USP11: variants seen among roughly 807,000 people sequenced by gnomAD.
USP11 encodes ubiquitin carboxyl-terminal hydrolase 11.
Under a neutral mutation model 72.8 loss-of-function variants are expected in USP11, and 5 were observed. The ratio of observed to expected loss-of-function variants is 0.07; its 90% CI spans 0.04 to 0.14. USP11 has a LOEUF of 0.14. Ranked by LOEUF, USP11 falls within the 10% of genes least tolerant of loss-of-function variation. USP11 has a pLI of 1.00. For missense variants in USP11, 480 were observed against 794.7 expected (o/e 0.60, Z 4.76); for synonymous variants, 368 against 326.5 (o/e 1.13, Z -1.37).
At position 47,242,609 on chromosome X, in the gene USP11, C is replaced by T. The variant is rs1406358498; in HGVS notation, c.1489-17C>T. The T allele has an allele frequency of 3.3e-6, 4 of 1,206,171 alleles. No homozygotes were observed. Among genetic ancestry groups the T allele is most frequent in the Non-Finnish European group, 2.2e-6 (2 of 890,400 alleles). ...GCCGTGCAGACTAACAGTCCCCTCT[C>T]CATATCCCATTCCTAGATGATGGTG... On this transcript the variant is annotated splice_polypyrimidine_tract_variant and intron_variant, in intron 11 of 20. Transcript: ENST00000377107.
intron 7 of USP11, 145 bp from the exon 8 acceptor site, chrX:47,241,132 C>A: frequency 1.6e-6 from 1 of 640,635 alleles, no homozygotes; most frequent in Non-Finnish European, 2.3e-6. Flanking sequence ...TGCCTTCTCT[C>A]CCCTACTCTC....
At position 47,247,286 on chromosome X, in the gene USP11, C is replaced by T. The variant is rs368392625; in HGVS notation, c.2421-18C>T. On this transcript the variant is annotated intron_variant, in intron 18 of 20. Transcript: ENST00000377107. ...AAAGGAGGGGGTGTACCAGTATTAA[C>T]CCTCTCCCCACCCACAGGGACCTGG... is the stretch of plus-strand genomic sequence containing the variant. The T allele has an allele frequency of 5.8e-6, 7 of 1,209,235 alleles. No individual in the cohort carries two copies. Among genetic ancestry groups the T allele is most frequent in the East Asian group, 3.0e-5 (1 of 33,745 alleles).
intron 1 of USP11, among the ~76,000 whole-genome samples, chrX:47,235,525 C>T (rs189331340): frequency 4.0e-4 from 44 of 110,844 alleles, no homozygotes; most frequent in African/African-American, 1.3e-3. Flanking sequence ...ATGCTAAAAT[C>T]CTTACAATGA....
rs1245107741 is a variant in USP11 at position 47,233,034 on chromosome X, A to G, written c.-10A>G. On this transcript the variant is annotated 5_prime_UTR_variant, in exon 1 of 21. Transcript: ENST00000377107. ...ACAGCTGCGTTGGCTGTAGAAGAGAACGGACGGCGATGGCGACGGTCGCAG... is the reference window on the plus strand; with the variant it reads ...ACAGCTGCGTTGGCTGTAGAAGAGAGCGGACGGCGATGGCGACGGTCGCAG... 4 of 1,211,601 alleles carry G rather than the reference A, an allele frequency of 3.3e-6. No individual in the cohort carries two copies. The highest frequency in any genetic ancestry group is 4.5e-6 in the Non-Finnish European group (4 of 895,377).
chrX:47,242,360 A>G, intron 10 of USP11, 54 bp downstream of exon 10: 1 of 1,202,268 alleles, frequency 8.3e-7, no homozygotes, highest in Non-Finnish European at 1.1e-6. Flanking sequence ...GAGTTTGATT[A>G]GCTGCCATAG....
chrX:47,241,098 TTC>T, intron 7 of USP11, 177 bp from the exon 8 acceptor site: 1 of 567,760 alleles, frequency 1.8e-6, no homozygotes, highest in Non-Finnish European at 2.7e-6. Flanking sequence ...TGTTCCCACG[TTC>T]TTCCTTCTCG....
intron 1 of USP11, among the ~76,000 whole-genome samples, chrX:47,236,468 A>G (rs2055372412): frequency 8.9e-6 from 1 of 112,210 alleles, no homozygotes; most frequent in South Asian, 3.6e-4. Context: ...GATTTGGGTG[A>G]GGGTAGTTAA....
chrX:47,247,862 T>A lies in USP11; in HGVS notation c.2695T>A (p.Ser899Thr). ...VARRLLSPAG[S>T]SGAPASPACS... ...GCGACGCCTGCTGTCCCCGGCCGGC[T>A]CATCTGGCGCCCCAGCCTCCCCTGC... The change falls in exon 21 of 21, where the codon TCA becomes ACA. Residue 899 changes from serine (S) to threonine (T), a missense_variant. Physicochemically the swap from Ser to Thr is moderately conservative, Grantham distance 58 (BLOSUM62 1). Coordinates refer to ENST00000377107, the MANE Select transcript of USP11 (RefSeq NM_001371072.1). 1 of 1,204,591 alleles carries A rather than the reference T, an allele frequency of 8.3e-7. No individual in the cohort carries two copies. Among genetic ancestry groups the A allele is most frequent in the Non-Finnish European group, 1.1e-6 (1 of 893,744 alleles).
rs1490422810 is a variant in USP11 at position 47,242,070 on chromosome X, C to T, written c.1180-12C>T. 8.3e-7 allele frequency: 1 copy of T among 1,205,667 alleles called. No individual in the cohort carries two copies. ...GGGCAAGCCCCACCACCCACCATGA[C>T]ACTATCAACAGGAGGTGGCACAGGA... On this transcript the variant is annotated splice_polypyrimidine_tract_variant and intron_variant, in intron 9 of 20. Transcript: ENST00000377107.
Position 47,247,894 on chromosome X carries a change from C to T in USP11, c.2727C>T (p.Ser909=). ...GCGCCCCAGCCTCCCCTGCCTGCAG[C>T]TCCCCACCCAGCTCTGAGTTCATGG... ...SSGAPASPAC[S]SPPSSEFMDV... Residue 909 remains serine (S), a synonymous_variant, in exon 21 of 21, where the codon AGC becomes AGT. Coordinates refer to ENST00000377107, the MANE Select transcript of USP11 (RefSeq NM_001371072.1). 8.3e-7 allele frequency: 1 copy of T among 1,203,310 alleles called. No homozygotes were observed. The highest frequency in any genetic ancestry group is 1.1e-6 in the Non-Finnish European group (1 of 893,124).
At position 47,243,399 on chromosome X, in the gene USP11, T is replaced by C. The variant is rs1359279020; in HGVS notation, c.1587T>C (p.Tyr529=). 4 of 1,210,993 alleles carry C rather than the reference T, an allele frequency of 3.3e-6. No homozygotes were observed. Among genetic ancestry groups the C allele is most frequent in the South Asian group, 1.8e-5 (1 of 56,908 alleles). The change falls in exon 13 of 21, where the codon TAT becomes TAC. Residue 529 remains tyrosine, a synonymous_variant. Coordinates refer to ENST00000377107, the MANE Select transcript of USP11 (RefSeq NM_001371072.1). ...GCCTGCTGTCCACCCCCCACAGCTATGAGGTGTCAGGTCGCATTGAGGCCA... is the reference window on the plus strand; with the variant it reads ...GCCTGCTGTCCACCCCCCACAGCTACGAGGTGTCAGGTCGCATTGAGGCCA... ...SILDRDDIFV[Y]EVSGRIEAIE...
At chrX:47,238,487 C>CTT (rs57112058) in intron 1 of USP11, among the ~76,000 whole-genome samples, 21,873 of 44,278 alleles carry the variant, frequency 0.49, 6,616 homozygotes, top group Non-Finnish European at 0.65. Flanking sequence ...TGTGCCCGGT[C>CTT]TTTTTTTTTT....
rs764239307 is a variant in USP11 at position 47,247,858 on chromosome X, C to T, written c.2691C>T (p.Ala897=). The T allele has an allele frequency of 3.9e-5, 47 of 1,203,577 alleles. No individual in the cohort carries two copies. In the South Asian group the frequency reaches 6.2e-4, roughly 16 times the overall value. The part of the protein sequence containing the change: ...QDVARRLLSP[A]GSSGAPASPA... ...TGGCGCGACGCCTGCTGTCCCCGGC[C>T]GGCTCATCTGGCGCCCCAGCCTCCC... The change falls in exon 21 of 21, where the codon GCC becomes GCT. Residue 897 remains alanine (A), a synonymous_variant. Coordinates refer to ENST00000377107, the MANE Select transcript of USP11 (RefSeq NM_001371072.1).
At chrX:47,240,173 T>C (rs2055394680) in intron 4 of USP11, 132 bp from the exon 5 acceptor site, 3 of 937,983 alleles carry the variant, frequency 3.2e-6, no homozygotes, top group African/African-American at 1.9e-5. Context: ...GGGCCAGTCA[T>C]TTGGAGACTG....
At chrX:47,241,500 C>T (rs780856344) in intron 8 of USP11, 41 bp from the exon 9 acceptor site, 6 of 1,188,961 alleles carry the variant, frequency 5.0e-6, no homozygotes, top group Non-Finnish European at 6.8e-6. Flanking sequence ...CTTGGCTCTC[C>T]TAACTCCCTC....
At chrX:47,242,556 AG>A (rs1489920419) in intron 11 of USP11, 34 bp downstream of exon 11, 1 of 1,209,081 alleles carries the variant, frequency 8.3e-7, no homozygotes, top group Non-Finnish European at 1.1e-6. Context: ...ATGGGATTCC[AG>A]GGCAAGGAGG....
At position 47,245,108 on chromosome X, in the gene USP11, G is replaced by A. The variant is rs766745464; in HGVS notation, c.2157+22G>A. ...TGAGGTAAATGAGATCCCAGGGATGGGGGGTACTTCCAGCTCTTGCCCCTC... is the reference window on the plus strand; with the variant it reads ...TGAGGTAAATGAGATCCCAGGGATGAGGGGTACTTCCAGCTCTTGCCCCTC... On this transcript the variant is annotated intron_variant, in intron 16 of 20. Transcript: ENST00000377107. 4 of 1,204,772 alleles carry A rather than the reference G, an allele frequency of 3.3e-6. No individual in the cohort carries two copies. The African/African-American group carries it at 6.9e-5, about 21-fold the overall frequency.
chrX:47,240,245 G>T, intron 4 of USP11, 60 bp from the exon 5 acceptor site: 1 of 1,183,435 alleles, frequency 8.4e-7, no homozygotes, highest in African/African-American at 1.7e-5. Context: ...GGTATGCCCA[G>T]ATGGATTGAT....
chrX:47,233,280 G>T (rs1487372944), intron 1 of USP11, 61 bp downstream of exon 1: 16 of 1,097,733 alleles, frequency 1.5e-5, no homozygotes, highest in Non-Finnish European at 1.9e-5. Flanking sequence ...GACAACCGCT[G>T]GGGATTCGGC....
Sources: gnomAD v4.1 joint callset for allele counts (sites outside exome capture counted in the v4.1 genomes callset) on GRCh38, gnomAD v4.1.1 for gene constraint, MANE v1.5 for transcripts, NCBI Gene and HGNC (gene_info 2026-07-23, HGNC 2026-07-21) for gene names.